Variants in SYN3 observed in about 807,000 individuals in gnomAD.
The protein encoded by SYN3 is synapsin III.
SYN3 carries 35 observed loss-of-function variants against 65.8 expected under a neutral mutation model. The observed-to-expected ratio is 0.53, with a 90% confidence interval of 0.41 to 0.70. SYN3 has a LOEUF of 0.70. SYN3 is among the 30% of genes least tolerant of loss of function. SYN3 has a pLI of 0.00. For synonymous variants in SYN3, 270 were observed against 292.9 expected, an observed-to-expected ratio of 0.92 and a Z score of 0.80; for missense variants, 680 against 749.0, an observed-to-expected ratio of 0.91 and a Z score of 1.08.
chr22:32,673,303 T>G (rs2060396834), intron 6 of SYN3, among the ~76,000 whole-genome samples: 1 of 152,126 alleles, frequency 6.6e-6, no homozygotes, highest in African/African-American at 2.4e-5. Flanking sequence ...AGGCAGCTTC[T>G]CCTTCTCACT....
intron 4 of SYN3, among the ~76,000 whole-genome samples, chr22:32,914,229 T>C (rs926227653): frequency 1.3e-5 from 2 of 152,098 alleles, no homozygotes; most frequent in Admixed American, 6.5e-5. Context: ...AGTTTTGAAA[T>C]AGACAAAAAA....
intron 6 of SYN3, among the ~76,000 whole-genome samples, chr22:32,652,240 C>T (rs899007783): frequency 5.6e-4 from 85 of 152,136 alleles, no homozygotes; most frequent in South Asian, 2.1e-4. Flanking sequence ...TTAGAACAGC[C>T]GGCCAGATTT....
At chr22:32,843,063 T>C (rs1601518208) in intron 6 of SYN3, among the ~76,000 whole-genome samples, 1 of 152,260 alleles carries the variant, frequency 6.6e-6, no homozygotes, top group East Asian at 1.9e-4. Flanking sequence ...GGTGGTCTGC[T>C]GTCCTGGGGG....
At chr22:32,972,581 C>A (rs908491829) in intron 3 of SYN3, among the ~76,000 whole-genome samples, 6 of 152,286 alleles carry the variant, frequency 3.9e-5, no homozygotes, top group Admixed American at 1.3e-4. Context: ...GGCATTCATG[C>A]AGGAATTGAA....
At chr22:32,564,174 G>A (rs1027628782) in intron 7 of SYN3, among the ~76,000 whole-genome samples, 3 of 152,172 alleles carry the variant, frequency 2.0e-5, no homozygotes, top group Non-Finnish European at 4.4e-5. Context: ...TGGGAACACA[G>A]GACTCAATCA....
intron 6 of SYN3, among the ~76,000 whole-genome samples, chr22:32,728,155 A>G (rs1346100808): frequency 6.6e-6 from 1 of 152,278 alleles, no homozygotes; most frequent in Non-Finnish European, 1.5e-5. Context: ...AAATCTAGGC[A>G]ATACCATTCA....
chr22:32,709,773 CTATCT>C (rs1172739545), intron 6 of SYN3, among the ~76,000 whole-genome samples: 1 of 151,840 alleles, frequency 6.6e-6, no homozygotes, highest in Non-Finnish European at 1.5e-5. Flanking sequence ...TCTATAAAGG[CTATCT>C]TATCTTCTGC....
chr22:32,930,230 T>C (rs1404602920), intron 4 of SYN3, among the ~76,000 whole-genome samples: 1 of 152,152 alleles, frequency 6.6e-6, no homozygotes, highest in African/African-American at 2.4e-5. Flanking sequence ...GGGAGGTAAT[T>C]GAATCATGGG....
Position 32,864,861 on chromosome 22 carries a change from C to T in SYN3, c.711+54G>A. ...CCATCCAAAGAGACCGAGGACAAGT[C>T]ATCTGTATTCATTCCGCATCATGCA... On this transcript the variant is annotated intron_variant, in intron 6 of 13. Coordinates refer to ENST00000358763, the MANE Select transcript of SYN3 (RefSeq NM_003490.4). 2.7e-6 allele frequency: 4 copies of T among 1,504,674 alleles called. No homozygotes were observed. In the Admixed American group the frequency reaches 6.7e-5, roughly 25 times the overall value. The allele number at this position is 1,504,674 out of a possible 1,614,324, so 93.2% of individuals were successfully genotyped here.
At chr22:32,849,469 G>T in intron 6 of SYN3, 1 of 1,613,810 alleles carries the variant, frequency 6.2e-7, no homozygotes, top group Non-Finnish European at 8.5e-7. Context: ...GGCCAAGGTG[G>T]TGGGGAAGAA....
At chr22:33,046,125 A>G (rs770157974) in intron 1 of SYN3, among the ~76,000 whole-genome samples, 13 of 152,220 alleles carry the variant, frequency 8.5e-5, no homozygotes, top group Non-Finnish European at 1.3e-4. Context: ...GGGAAATGCA[A>G]ATTAAACCAT....
intron 7 of SYN3, among the ~76,000 whole-genome samples, chr22:32,555,168 A>C (rs1187035762): frequency 6.6e-6 from 1 of 152,212 alleles, no homozygotes; most frequent in East Asian, 1.9e-4. Context: ...CCGAGGAAAA[A>C]AGGAGGTGCA....
At chr22:32,886,041 G>A (rs1231497855) in intron 4 of SYN3, among the ~76,000 whole-genome samples, 1 of 152,184 alleles carries the variant, frequency 6.6e-6, no homozygotes, top group Non-Finnish European at 1.5e-5. Flanking sequence ...GCAACCAACA[G>A]TAGACAGCAC....
intron 6 of SYN3, among the ~76,000 whole-genome samples, chr22:32,787,943 A>C (rs549201057): frequency 6.6e-6 from 1 of 152,296 alleles, no homozygotes; most frequent in South Asian, 2.1e-4. Context: ...GCTTGGTTAA[A>C]GGAGGAAAAG....
chr22:32,728,150 T>C (rs2061222320), intron 6 of SYN3, among the ~76,000 whole-genome samples: 1 of 152,180 alleles, frequency 6.6e-6, no homozygotes. Flanking sequence ...GAAGAAAATC[T>C]AGGCAATACC....
intron 6 of SYN3, among the ~76,000 whole-genome samples, chr22:32,734,968 T>C (rs2061319703): frequency 1.3e-5 from 2 of 152,174 alleles, no homozygotes; most frequent in Admixed American, 1.3e-4. Context: ...TAAATCCACA[T>C]ACCTAGACTT....
intron 3 of SYN3, among the ~76,000 whole-genome samples, chr22:32,962,924 G>C (rs140909755): frequency 6.7e-6 from 1 of 149,812 alleles, no homozygotes; most frequent in East Asian, 2.0e-4. Context: ...TATCAATATA[G>C]ATAATAATGA....
intron 1 of SYN3, among the ~76,000 whole-genome samples, chr22:33,014,131 G>C (rs1174184042): frequency 6.6e-6 from 1 of 151,580 alleles, no homozygotes; most frequent in African/African-American, 2.4e-5. Flanking sequence ...GCCTAGGCTG[G>C]TCTCGAGCTC....
chr22:32,548,961 G>A (rs1450772659), intron 7 of SYN3, among the ~76,000 whole-genome samples: 1 of 152,148 alleles, frequency 6.6e-6, no homozygotes, highest in African/African-American at 2.4e-5. Flanking sequence ...GAAGTTAGAT[G>A]AGACCCTGAA....
Sources: allele counts gnomAD v4.1 joint callset (sites outside exome capture counted in the v4.1 genomes callset), GRCh38; gene constraint gnomAD v4.1.1; transcripts MANE v1.5; gene names NCBI Gene and HGNC (gene_info 2026-07-23, HGNC 2026-07-21).